The following TENM1 variants were observed in gnomAD, a reference collection of about 807,000 sequenced individuals.
The protein encoded by TENM1 is teneurin transmembrane protein 1.
Under a neutral mutation model 174.8 loss-of-function variants are expected in TENM1, and 35 were observed. The ratio of observed to expected loss-of-function variants is 0.20; its 90% confidence interval spans 0.15 to 0.27. TENM1 has a LOEUF of 0.27. Ranked by LOEUF, TENM1 falls within the 10% of genes least tolerant of loss-of-function variation. The pLI is 1.00. For missense variants in TENM1, 1,633 were observed against 2,130.1 expected (o/e 0.77, Z 4.59); for synonymous variants, 781 against 798.7 (o/e 0.98, Z 0.37).
At chrX:124,585,182 A>G (rs370685025) in intron 11 of TENM1, among the ~76,000 whole-genome samples, 5 of 111,033 alleles carry the variant, frequency 4.5e-5, no homozygotes, top group East Asian at 2.8e-4. Flanking sequence ...TGCACCAAGC[A>G]GACTTAATAG....
chrX:125,100,440 T>C, the TENM1 span, among the ~76,000 whole-genome samples: 4 of 111,911 alleles, frequency 3.6e-5, no homozygotes, highest in African/African-American at 1.3e-4. Flanking sequence ...CTTAAAGCCA[T>C]AGAAGCAAGG....
chrX:124,533,694 C>T (rs1386137111), intron 15 of TENM1, among the ~76,000 whole-genome samples: 3 of 112,092 alleles, frequency 2.7e-5, no homozygotes, highest in Non-Finnish European at 5.6e-5. Flanking sequence ...ATATATAGAA[C>T]TCTTCTAAAT....
intron 3 of TENM1, among the ~76,000 whole-genome samples, chrX:124,889,640 G>A (rs757784025): frequency 1.8e-5 from 2 of 110,396 alleles, no homozygotes; most frequent in East Asian, 5.7e-4. Flanking sequence ...ATTTCTTGTG[G>A]GTACCTAGTA....
chrX:124,494,620 T>TGC (rs1293397333), intron 20 of TENM1, among the ~76,000 whole-genome samples: 1 of 109,139 alleles, frequency 9.2e-6, no homozygotes, highest in East Asian at 2.9e-4. Flanking sequence ...CACTAACTCG[T>TGC]CATCTAGCAT....
intron 1 of TENM1, among the ~76,000 whole-genome samples, chrX:124,926,016 CT>C (rs1358861098): frequency 8.9e-6 from 1 of 112,090 alleles, no homozygotes; most frequent in Non-Finnish European, 1.9e-5. Flanking sequence ...CTATATGCAG[CT>C]TTTTACTTTT....
At chrX:124,642,177 C>T (rs1411401460) in intron 10 of TENM1, among the ~76,000 whole-genome samples, 186 bp from the exon 14 acceptor site, 1 of 112,353 alleles carries the variant, frequency 8.9e-6, no homozygotes, top group Non-Finnish European at 1.9e-5. Context: ...CACTTCAAAA[C>T]ATGGTGGGGT....
At chrX:124,426,291 T>C (rs192422015) in intron 23 of TENM1, among the ~76,000 whole-genome samples, 1 of 111,769 alleles carries the variant, frequency 8.9e-6, no homozygotes, top group East Asian at 2.8e-4. Flanking sequence ...AAAAGTCCCA[T>C]TCATGGCCAA....
At chrX:124,540,818 C>T (rs73550498) in intron 15 of TENM1, among the ~76,000 whole-genome samples, 2 of 111,489 alleles carry the variant, frequency 1.8e-5, no homozygotes, top group African/African-American at 6.5e-5. Context: ...GGTTTTCTTG[C>T]GAGACAGAAT....
chrX:124,453,153 C>G (rs759677810), intron 23 of TENM1, among the ~76,000 whole-genome samples, 184 bp downstream of exon 26: 46 of 111,762 alleles, frequency 4.1e-4, no homozygotes, highest in Non-Finnish European at 7.5e-4. Context: ...CCTCGCTTAC[C>G]ATTTTCTCCC....
intron 3 of TENM1, among the ~76,000 whole-genome samples, chrX:124,742,442 A>G (rs935564677): frequency 2.7e-5 from 3 of 111,435 alleles, no homozygotes; most frequent in Non-Finnish European, 5.7e-5. Flanking sequence ...TGCTTTGAGG[A>G]TATTTATGGT....
At chrX:125,187,998 TTATAA>T in the TENM1 span, among the ~76,000 whole-genome samples, 471 of 111,659 alleles carry the variant, frequency 4.2e-3, 3 homozygotes, top group African/African-American at 0.014. Flanking sequence ...ATATAGAAAG[TTATAA>T]TATGTTTTTA....
chrX:124,413,012 C>T (rs1226680184), intron 25 of TENM1, among the ~76,000 whole-genome samples: 1 of 111,914 alleles, frequency 8.9e-6, no homozygotes, highest in Admixed American at 9.5e-5. Flanking sequence ...GAAAGGCACG[C>T]TGACTGATGG....
In TENM1 at chrX:124,676,015, A is replaced by G. The variant is rs141968008; in HGVS notation, c.1016-4180T>C. Reference sequence around the variant, plus strand: ...GAGCCCAGTGTGAGCTCAGTCAGAAAGGCAAAGAGTGGTAGGAACACTCAT... The same window carrying G: ...GAGCCCAGTGTGAGCTCAGTCAGAAGGGCAAAGAGTGGTAGGAACACTCAT... On this transcript the variant is annotated intron_variant, in intron 5 of 31. Coordinates refer to ENST00000422452, the Ensembl canonical transcript of TENM1. Among the ~76,000 whole-genome samples, 1,030 of 106,393 alleles carry G rather than the reference A, an allele frequency of 9.7e-3. 9 individuals carry two copies. Among genetic ancestry groups the G allele is most frequent in the African/African-American group, 0.033 (964 of 29,458 alleles). The allele number at this position is 106,393 out of a possible 115,157, so 92.4% of individuals were successfully genotyped here. A position where few individuals can be genotyped will look rare whatever the true frequency, so the allele number is the denominator to read the frequency against.
chrX:124,435,791 T>A (rs962066544), intron 23 of TENM1, among the ~76,000 whole-genome samples: 3 of 111,775 alleles, frequency 2.7e-5, no homozygotes, highest in African/African-American at 9.8e-5. Flanking sequence ...CTGCACTCAC[T>A]CAACAGATGG....
chrX:125,038,515 T>C, the TENM1 span, among the ~76,000 whole-genome samples: 15 of 111,648 alleles, frequency 1.3e-4, no homozygotes, highest in Admixed American at 2.9e-4. Flanking sequence ...AAAGCTACTA[T>C]AGACACACGG....
intron 3 of TENM1, among the ~76,000 whole-genome samples, chrX:124,821,825 C>A (rs1214297565): frequency 8.9e-6 from 1 of 111,974 alleles, no homozygotes. Flanking sequence ...GAATTCTATT[C>A]CATGGGAATA....
chrX:124,910,463 G>A (rs887923065), intron 1 of TENM1, among the ~76,000 whole-genome samples: 9 of 112,219 alleles, frequency 8.0e-5, no homozygotes, highest in African/African-American at 2.9e-4. Context: ...CAGGATAGAT[G>A]TAATATGAGT....
chrX:124,414,297 C>T (rs1478599323), intron 25 of TENM1, among the ~76,000 whole-genome samples: 3 of 111,795 alleles, frequency 2.7e-5, no homozygotes, highest in Admixed American at 1.9e-4. Flanking sequence ...AGTGACACGA[C>T]TGATGCTTTG....
At chrX:124,423,952 A>C (rs749219972) in intron 23 of TENM1, among the ~76,000 whole-genome samples, 3 of 111,402 alleles carry the variant, frequency 2.7e-5, no homozygotes, top group African/African-American at 6.5e-5. Context: ...ATCCAACAGG[A>C]CTGATGTCTC....
Sources: gnomAD v4.1 joint callset for allele counts (sites outside exome capture counted in the v4.1 genomes callset) on GRCh38, gnomAD v4.1.1 for gene constraint, MANE v1.5 for transcripts, NCBI Gene and HGNC (gene_info 2026-07-23, HGNC 2026-07-21) for gene names.